The following PLCG2 variants were observed in gnomAD, a reference collection of about 807,000 sequenced individuals.
The protein encoded by PLCG2 is 1-phosphatidylinositol 4,5-bisphosphate phosphodiesterase gamma-2.
PLCG2 carries 69 observed loss-of-function variants against 175.6 expected under a neutral mutation model. That is an observed-to-expected ratio of 0.39 (90% CI 0.32 to 0.48). PLCG2 has a LOEUF of 0.48. PLCG2 is among the 20% of genes least tolerant of loss of function. The pLI, the probability that PLCG2 is intolerant of heterozygous loss-of-function variation, is 0.91. For missense variants in PLCG2, 1,798 were observed against 1,650.9 expected (o/e 1.09, Z -1.54); for synonymous variants, 827 against 624.0 (o/e 1.33, Z -4.85).
At chr16:81,799,147 C>T (rs1029213247) in intron 2 of PLCG2, among the ~76,000 whole-genome samples, 9 of 152,300 alleles carry the variant, frequency 5.9e-5, no homozygotes, top group Non-Finnish European at 8.8e-5. Context: ...TGCTTTTTCC[C>T]CCTCATTATA....
chr16:81,795,393 T>C (rs989515258), intron 2 of PLCG2, among the ~76,000 whole-genome samples: 4 of 152,178 alleles, frequency 2.6e-5, no homozygotes, highest in South Asian at 4.1e-4. Context: ...GAGAGCATTC[T>C]GGCATAGGGC....
At chr16:81,900,232 G>A (rs1162521366) in intron 13 of PLCG2, among the ~76,000 whole-genome samples, 1 of 152,194 alleles carries the variant, frequency 6.6e-6, no homozygotes, top group Non-Finnish European at 1.5e-5. Context: ...CGTCCCTGTT[G>A]GTGACCCTGG....
chr16:81,805,767 G>GTTTTTT lies in PLCG2; in HGVS notation c.193+19595_193+19600dup, dbSNP rs766609754. The stretch of plus-strand genomic sequence containing the variant: ...AGCCATGAGAGTAGTGTTTTGTTTT[G>GTTTTTT]TTTTTTTTTTTTTTTGTTTTTTTTT... On this transcript the variant is annotated intron_variant, in intron 2 of 32. Coordinates refer to ENST00000564138, the MANE Select transcript of PLCG2 (RefSeq NM_002661.5). Among the ~76,000 whole-genome samples the GTTTTTT allele has an allele frequency of 3.0e-3, 119 of 39,422 alleles. 9 individuals are homozygous for GTTTTTT. The highest frequency in any genetic ancestry group is 4.5e-3 in the Non-Finnish European group (84 of 18,694). The allele number at this position is 39,422 out of a possible 152,430, so 25.9% of individuals were successfully genotyped here. A position where few individuals can be genotyped will look rare whatever the true frequency, so the allele number is the denominator to read the frequency against.
intron 1 of PLCG2, chr16:81,783,232 C>G (rs913169111): frequency 2.2e-6 from 1 of 448,302 alleles, no homozygotes; most frequent in Non-Finnish European, 4.5e-6. Flanking sequence ...TGGCTGGGAA[C>G]AGTCAACATA....
At position 81,889,204 on chromosome 16, in the gene PLCG2, T is replaced by A. The variant is rs759799948; in HGVS notation, c.798T>A (p.Arg266=). Residue 266 remains arginine, a synonymous_variant, in exon 10 of 33, where the codon CGT becomes CGA. Coordinates refer to ENST00000564138, the MANE Select transcript of PLCG2 (RefSeq NM_002661.5). ...GGGCTCAGGATCTGAACAAAGTCCG[T>A]GAGCGGATGACAAAGTTCATTGATG... ...EHWAQDLNKV[R]ERMTKFIDDT... is the part of the protein sequence containing the mutation. 25 of 1,605,636 alleles carry A rather than the reference T, an allele frequency of 1.6e-5. No individual in the cohort carries two copies. In the South Asian group the frequency reaches 2.5e-4, roughly 16 times the overall value.
chr16:81,811,317 G>C (rs1161528890), intron 2 of PLCG2, among the ~76,000 whole-genome samples: 1 of 152,142 alleles, frequency 6.6e-6, no homozygotes, highest in Non-Finnish European at 1.5e-5. Flanking sequence ...TTAGTGCTCA[G>C]TTATGAGCAC....
intron 7 of PLCG2, among the ~76,000 whole-genome samples, chr16:81,872,619 C>T (rs1356587276): frequency 6.6e-6 from 1 of 152,212 alleles, no homozygotes. Flanking sequence ...TGGTAGGTGG[C>T]ACACATTCAA....
intron 2 of PLCG2, among the ~76,000 whole-genome samples, chr16:81,808,067 C>T (rs1904289908): frequency 6.6e-6 from 1 of 152,200 alleles, no homozygotes; most frequent in African/African-American, 2.4e-5. Context: ...GTTGTTTCTA[C>T]CTTTTGGCTA....
chr16:81,934,718 T>G (rs1910637344), intron 26 of PLCG2, among the ~76,000 whole-genome samples, 187 bp downstream of exon 26: 4 of 152,004 alleles, frequency 2.6e-5, no homozygotes, highest in African/African-American at 7.3e-5. Flanking sequence ...GGTGTATTAG[T>G]CCATTTTCAT....
chr16:81,838,499 T>A (rs1228896002), intron 2 of PLCG2, among the ~76,000 whole-genome samples: 2 of 151,788 alleles, frequency 1.3e-5, no homozygotes, highest in African/African-American at 2.4e-5. Context: ...CTCAGCAAAC[T>A]AACACAGGAA....
intron 2 of PLCG2, among the ~76,000 whole-genome samples, chr16:81,839,077 A>C (rs1408125433): frequency 6.6e-6 from 1 of 152,008 alleles, no homozygotes; most frequent in Non-Finnish European, 1.5e-5. Flanking sequence ...ATTTAATCAT[A>C]TTGTCACGTT....
chr16:81,815,387 G>T (rs901551537), intron 2 of PLCG2, among the ~76,000 whole-genome samples: 2 of 152,190 alleles, frequency 1.3e-5, no homozygotes. Context: ...ATTCCCAGAG[G>T]TGAAGATACA....
intron 12 of PLCG2, among the ~76,000 whole-genome samples, chr16:81,894,952 G>T (rs981466400): frequency 2.0e-5 from 3 of 152,120 alleles, no homozygotes; most frequent in Non-Finnish European, 4.4e-5. Flanking sequence ...TTACCAAAAC[G>T]ACTCATCATG....
In PLCG2 at chr16:81,882,213, G is replaced by A. The variant is rs547731909; in HGVS notation, c.693-1056G>A. The stretch of plus-strand genomic sequence containing the variant: ...GCAGAATGTACTCCCCATCCAACCC[G>A]GGGGTGGCTCGTGCTGGCCCAGTGA... On this transcript the variant is annotated intron_variant, in intron 8 of 32. Coordinates refer to ENST00000564138, the MANE Select transcript of PLCG2 (RefSeq NM_002661.5). Among the ~76,000 whole-genome samples, 15 of 152,306 alleles carry A rather than the reference G, an allele frequency of 9.8e-5. 1 individual carries two copies. Among genetic ancestry groups the A allele is most frequent in the East Asian group, 3.9e-4 (2 of 5,178 alleles).
intron 18 of PLCG2, 122 bp from the exon 19 acceptor site, chr16:81,912,475 C>T (rs1173907385): frequency 3.3e-6 from 4 of 1,214,970 alleles, no homozygotes; most frequent in South Asian, 1.5e-5. Flanking sequence ...GTGTGATTTC[C>T]ATGGTCGTTT....
chr16:81,910,597 A>C lies in PLCG2; in HGVS notation c.1811A>C (p.Asn604Thr). 1.2e-6 allele frequency: 2 copies of C among 1,613,982 alleles called. No individual in the cohort carries two copies. Among genetic ancestry groups the C allele is most frequent in the Non-Finnish European group, 1.7e-6 (2 of 1,179,960 alleles). The change falls in exon 18 of 33, where the codon AAC becomes ACC. Residue 604 changes from asparagine (N) to threonine (T), a missense_variant. Coordinates refer to ENST00000564138, the MANE Select transcript of PLCG2 (RefSeq NM_002661.5). ...GGTLKYYLTD[N>T]LTFSSIYALI... is the part of the protein sequence containing the mutation. ...ACCCTGAAATACTACTTGACTGACA[A>C]CCTCACCTTCAGCAGCATCTATGCC...
At chr16:81,802,929 C>T (rs569666389) in intron 2 of PLCG2, among the ~76,000 whole-genome samples, 1 of 152,126 alleles carries the variant, frequency 6.6e-6, no homozygotes, top group Non-Finnish European at 1.5e-5. Flanking sequence ...TTAGTATATT[C>T]AGAGTTGTAC....
intron 7 of PLCG2, among the ~76,000 whole-genome samples, chr16:81,875,121 G>A (rs1018343933): frequency 6.6e-6 from 1 of 151,700 alleles, no homozygotes; most frequent in Admixed American, 6.6e-5. Context: ...GCACCATCAC[G>A]CCTGGCTAAT....
intron 12 of PLCG2, among the ~76,000 whole-genome samples, chr16:81,895,105 T>G (rs1284904001): frequency 6.6e-6 from 1 of 152,240 alleles, no homozygotes; most frequent in African/African-American, 2.4e-5. Context: ...AGATTGGGGA[T>G]GTTCATCTTC....
Sources: allele counts gnomAD v4.1 joint callset (sites outside exome capture counted in the v4.1 genomes callset), GRCh38; gene constraint gnomAD v4.1.1; transcripts MANE v1.5; gene names NCBI Gene and HGNC (gene_info 2026-07-23, HGNC 2026-07-21).